MAPK10: variants seen among roughly 807,000 people sequenced by gnomAD.
MAPK10 encodes mitogen-activated protein kinase 10, also known as JNK3 alpha protein kinase.
In MAPK10, 25 loss-of-function variants were observed where a neutral mutation model predicts 59.3. The observed-to-expected ratio is 0.42, with a 90% CI of 0.31 to 0.59. The LOEUF (loss-of-function observed/expected upper bound fraction) is 0.59, where lower values mean the gene tolerates loss of function less well. Ranked by LOEUF, MAPK10 falls within the 20% of genes least tolerant of loss-of-function variation. MAPK10 has a pLI of 0.15. For missense variants in MAPK10, 351 were observed against 568.9 expected, an observed-to-expected ratio of 0.62 and a Z score of 3.90; for synonymous variants, 190 against 200.5, an observed-to-expected ratio of 0.95 and a Z score of 0.44.
chr4:86,353,235 C>T (rs936031762), intron 2 of MAPK10, among the ~76,000 whole-genome samples: 67 of 152,270 alleles, frequency 4.4e-4, no homozygotes, highest in African/African-American at 1.6e-3. Flanking sequence ...CAACTACCTC[C>T]ATTAATAAGC....
intron 1 of MAPK10, among the ~76,000 whole-genome samples, chr4:86,359,263 C>CCCCTCTCTCTCTCTCT (rs1736046866): frequency 1.9e-5 from 1 of 53,452 alleles, no homozygotes; most frequent in African/African-American, 5.9e-5. Context: ...TTTTTTTTTT[C>CCCCTCTCTCTCTCTCT]CTCTCTCTCT....
chr4:86,068,255 C>T (rs1326584151), intron 9 of MAPK10, among the ~76,000 whole-genome samples: 2 of 152,066 alleles, frequency 1.3e-5, no homozygotes, highest in African/African-American at 2.4e-5. Flanking sequence ...AGATGAATCT[C>T]ATATTCTGCA....
At chr4:86,156,392 C>A (rs972020284) in intron 4 of MAPK10, among the ~76,000 whole-genome samples, 6 of 151,910 alleles carry the variant, frequency 3.9e-5, no homozygotes, top group Non-Finnish European at 5.9e-5. Flanking sequence ...ATTCGTCTTA[C>A]AGTTTTCTGT....
rs532930341 is a variant in MAPK10, at chr4:86,523,107, C to T, written c.-263+70803G>A. Among the ~76,000 whole-genome samples the T allele has an allele frequency of 2.0e-5, 3 of 152,296 alleles. No homozygotes were observed. In the East Asian group the frequency reaches 5.8e-4, roughly 29 times the overall value. On this transcript the variant is annotated intron_variant, in intron 1 of 4. Transcript: ENST00000502302. ...ATTTTTCATATCATTCATTCTACTA[C>T]ACTTATATTGATATTATTAATACCT...
intron 2 of MAPK10, among the ~76,000 whole-genome samples, chr4:86,217,358 T>C (rs984319787): frequency 1.3e-5 from 2 of 152,208 alleles, no homozygotes; most frequent in African/African-American, 4.8e-5. Flanking sequence ...GTAAAATTAA[T>C]AAAATATTCT....
chr4:86,349,509 T>C (rs1380997939), intron 2 of MAPK10, among the ~76,000 whole-genome samples: 1 of 151,954 alleles, frequency 6.6e-6, no homozygotes, highest in Non-Finnish European at 1.5e-5. Flanking sequence ...CTGGCTAAGG[T>C]GGGAGGCAAA....
intron 1 of MAPK10, among the ~76,000 whole-genome samples, chr4:86,356,131 C>A (rs1299031530): frequency 1.3e-5 from 2 of 152,138 alleles, no homozygotes; most frequent in African/African-American, 4.8e-5. Flanking sequence ...ACTGCAAATG[C>A]CCAATTGCCT....
chr4:86,229,932 G>A (rs1391583374), intron 2 of MAPK10, among the ~76,000 whole-genome samples: 5 of 152,038 alleles, frequency 3.3e-5, no homozygotes, highest in Admixed American at 1.3e-4. Context: ...ACATTGGAAT[G>A]CACCTGTGGT....
At position 86,064,399 on chromosome 4, in the gene MAPK10, A is replaced by G; in HGVS notation, c.986-9T>C. The stretch of plus-strand genomic sequence containing the variant: ...GTCCCTGGCTTGGCTGGCTGAAACA[A>G]TAAATGAGAAAAACAATTAGTAAGA... On this transcript the variant is annotated splice_polypyrimidine_tract_variant and intron_variant, in intron 10 of 13. Transcript: ENST00000641462. The G allele has an allele frequency of 6.2e-7, 1 of 1,610,646 alleles. No individual in the cohort carries two copies. The highest frequency in any genetic ancestry group is 8.5e-7 in the Non-Finnish European group (1 of 1,179,118).
At chr4:86,300,358 C>T (rs765301844) in intron 2 of MAPK10, among the ~76,000 whole-genome samples, 30 of 152,074 alleles carry the variant, frequency 2.0e-4, no homozygotes, top group Non-Finnish European at 4.0e-4. Flanking sequence ...CAATGCTGTG[C>T]AATTATCTTC....
In MAPK10 at chr4:86,584,174, T is replaced by C. The variant is rs568584168; in HGVS notation, c.-263+9736A>G. 2.0e-5 allele frequency among the ~76,000 whole-genome samples: 3 copies of C among 152,276 alleles called. No individual in the cohort carries two copies. In the East Asian group the frequency reaches 5.8e-4, roughly 29 times the overall value. ...AACCAACTGACAAAGTATGGCACAG[T>C]GGTGGCCTCACTTCTGCAGTTAAGC... On this transcript the variant is annotated intron_variant, in intron 1 of 4. Transcript: ENST00000502302.
At chr4:86,088,418 T>C (rs1447096696) in intron 9 of MAPK10, among the ~76,000 whole-genome samples, 1 of 152,160 alleles carries the variant, frequency 6.6e-6, no homozygotes, top group South Asian at 2.1e-4. Context: ...ACTCCTGGGC[T>C]CAAGTGATCC....
At chr4:86,363,573 T>C (rs1018806221), upstream of MAPK10, among the ~76,000 whole-genome samples, 6 of 152,330 alleles carry the variant, frequency 3.9e-5, no homozygotes, top group African/African-American at 1.4e-4. Context: ...GATATTTTGA[T>C]ATATGTATAC....
intron 1 of MAPK10, among the ~76,000 whole-genome samples, chr4:86,570,543 T>G (rs1158649935): frequency 2.0e-5 from 3 of 152,164 alleles, no homozygotes; most frequent in Non-Finnish European, 4.4e-5. Flanking sequence ...CAGAATATCC[T>G]TGATTTTCCC....
At chr4:86,467,543 C>T (rs545545016) in intron 1 of MAPK10, among the ~76,000 whole-genome samples, 14 of 146,270 alleles carry the variant, frequency 9.6e-5, no homozygotes, top group South Asian at 4.3e-4. Flanking sequence ...GTTTTTGAGA[C>T]GGAGTTTCGC....
At chr4:86,093,088 G>T (rs1438134335) in intron 9 of MAPK10, among the ~76,000 whole-genome samples, 1 of 151,854 alleles carries the variant, frequency 6.6e-6, no homozygotes, top group African/African-American at 2.4e-5. Context: ...TTCTAACCAA[G>T]AGATAGAAAT....
At chr4:86,084,312 A>G (rs1468463342) in intron 9 of MAPK10, among the ~76,000 whole-genome samples, 1 of 152,226 alleles carries the variant, frequency 6.6e-6, no homozygotes, top group Non-Finnish European at 1.5e-5. Flanking sequence ...AGAAGAAGTC[A>G]AGTAACTCTT....
intron 1 of MAPK10, 144 bp from the exon 2 acceptor site, chr4:86,354,788 C>A (rs556027429): frequency 2.6e-6 from 1 of 389,188 alleles, no homozygotes; most frequent in Admixed American, 4.4e-5. Flanking sequence ...AGGTAATTAT[C>A]TCTATTCATC....
intron 1 of MAPK10, among the ~76,000 whole-genome samples, chr4:86,576,496 C>T (rs1039590729): frequency 2.6e-5 from 4 of 152,070 alleles, no homozygotes; most frequent in Non-Finnish European, 4.4e-5. Context: ...TATAGTAGGC[C>T]GGGCGCGGTG....
Sources: gnomAD v4.1 joint callset for allele counts (sites outside exome capture counted in the v4.1 genomes callset) on GRCh38, gnomAD v4.1.1 for gene constraint, MANE v1.5 for transcripts, NCBI Gene and HGNC (gene_info 2026-07-23, HGNC 2026-07-21) for gene names.